Variants in AFF3 observed in about 807,000 individuals in gnomAD.
AFF3 encodes the protein ALF transcription elongation factor 3.
In AFF3, 32 loss-of-function variants were observed where a neutral mutation model predicts 129.7. The observed-to-expected ratio is 0.25, with a 90% CI of 0.19 to 0.33. The LOEUF is 0.33. AFF3 is among the 10% of genes least tolerant of loss of function. AFF3 has a pLI of 1.00. For synonymous variants in AFF3, 644 were observed against 635.4 expected, an observed-to-expected ratio of 1.01 and a Z score of -0.20; for missense variants, 1,373 against 1,592.0, an observed-to-expected ratio of 0.86 and a Z score of 2.34.
intron 7 of AFF3, among the ~76,000 whole-genome samples, chr2:99,860,260 T>C (rs1690873986): frequency 1.3e-5 from 2 of 151,412 alleles, no homozygotes; most frequent in South Asian, 4.2e-4. Flanking sequence ...CTACTAAAAA[T>C]ACAAAAATTA....
chr2:100,007,335 A>G lies in AFF3; in HGVS notation c.300T>C (p.Val100=), dbSNP rs992384012. The change falls in exon 6 of 25, where the codon GTT becomes GTC. Residue 100 remains valine, a synonymous_variant. Coordinates refer to ENST00000672756, the MANE Select transcript of AFF3 (RefSeq NM_001386135.1). The part of the protein sequence containing the change: ...SHLVGVPKPG[V]PQTPVNKIDE... ...CGATCTTGTTCACAGGAGTCTGAGG[A>G]ACCCCAGGTTTGGGAACTCCAACGA... 8.7e-6 allele frequency: 14 copies of G among 1,613,998 alleles called. No individual in the cohort carries two copies. The highest frequency in any genetic ancestry group is 1.3e-5 in the African/African-American group (1 of 74,904).
chr2:99,576,199 ATTG>A (rs1230529969), intron 18 of AFF3, among the ~76,000 whole-genome samples: 7 of 151,168 alleles, frequency 4.6e-5, no homozygotes, highest in African/African-American at 1.7e-4. Context: ...CACCTGGCTA[ATTG>A]TTGTATTTTT....
At chr2:99,703,160 T>C (rs943717847) in intron 11 of AFF3, among the ~76,000 whole-genome samples, 2 of 152,220 alleles carry the variant, frequency 1.3e-5, no homozygotes, top group Non-Finnish European at 2.9e-5. Flanking sequence ...AGGGCTGTGT[T>C]CCTTCTGAGG....
At chr2:99,735,071 T>C (rs1006121734) in intron 10 of AFF3, among the ~76,000 whole-genome samples, 6 of 152,194 alleles carry the variant, frequency 3.9e-5, no homozygotes, top group African/African-American at 1.4e-4. Context: ...CAGGTTATAT[T>C]TATATGTAAA....
At chr2:99,863,604 C>T (rs1250054726) in intron 7 of AFF3, among the ~76,000 whole-genome samples, 2 of 152,142 alleles carry the variant, frequency 1.3e-5, no homozygotes, top group East Asian at 1.9e-4. Context: ...TTGATGTATA[C>T]GTGATGCTCT....
intron 7 of AFF3, among the ~76,000 whole-genome samples, chr2:99,895,021 C>G (rs539930077): frequency 2.0e-5 from 3 of 152,324 alleles, no homozygotes; most frequent in Admixed American, 2.0e-4. Flanking sequence ...TCATTGCCAG[C>G]ACACATAGGT....
chr2:99,788,074 C>T (rs988467993), intron 8 of AFF3, among the ~76,000 whole-genome samples: 4 of 152,010 alleles, frequency 2.6e-5, no homozygotes, highest in Non-Finnish European at 4.4e-5. Context: ...GTGATGCTGG[C>T]GTAAATAAAC....
chr2:99,728,356 A>G (rs1020989038), intron 10 of AFF3, among the ~76,000 whole-genome samples: 2 of 152,112 alleles, frequency 1.3e-5, no homozygotes, highest in Non-Finnish European at 2.9e-5. Flanking sequence ...ATGCTCTTTC[A>G]AGTCAGGCCT....
chr2:100,022,655 G>A (rs1224783158), intron 4 of AFF3, among the ~76,000 whole-genome samples: 2 of 151,934 alleles, frequency 1.3e-5, no homozygotes, highest in Admixed American at 6.6e-5. Context: ...CAAGTGATCC[G>A]CCTGCCTTGG....
chr2:99,954,650 T>G (rs867176455), intron 7 of AFF3, among the ~76,000 whole-genome samples: 11 of 150,934 alleles, frequency 7.3e-5, no homozygotes, highest in African/African-American at 2.7e-4. Flanking sequence ...TCATTCTCAG[T>G]AAACTATCGC....
chr2:100,135,517 T>C (rs1227369950), intron 1 of AFF3, among the ~76,000 whole-genome samples: 1 of 151,984 alleles, frequency 6.6e-6, no homozygotes, highest in African/African-American at 2.4e-5. Flanking sequence ...GAGAATGAGA[T>C]GCCACATGAA....
At chr2:99,800,380 T>TG (rs1431077651) in intron 8 of AFF3, among the ~76,000 whole-genome samples, 2 of 152,142 alleles carry the variant, frequency 1.3e-5, no homozygotes, top group Non-Finnish European at 2.9e-5. Context: ...TACCACTACA[T>TG]ACCTATTAGA....
At chr2:100,072,407 C>T (rs1261288778) in intron 4 of AFF3, among the ~76,000 whole-genome samples, 3 of 152,182 alleles carry the variant, frequency 2.0e-5, no homozygotes, top group African/African-American at 7.2e-5. Flanking sequence ...GAACAACTGT[C>T]TTCCACGAAA....
intron 4 of AFF3, among the ~76,000 whole-genome samples, chr2:100,082,073 T>C (rs956211843): frequency 3.3e-5 from 5 of 152,254 alleles, no homozygotes; most frequent in African/African-American, 1.2e-4. Context: ...CCTGGTTTCT[T>C]GAAAAGCTTT....
chr2:99,735,638 G>A (rs554527591), intron 10 of AFF3, among the ~76,000 whole-genome samples: 6 of 151,904 alleles, frequency 3.9e-5, no homozygotes, highest in African/African-American at 1.5e-4. Context: ...GACTACAGGC[G>A]CCTGCCACCA....
rs1013364581 is a variant in AFF3, at chr2:100,062,018, T to C, written c.53+42384A>G. On this transcript the variant is annotated intron_variant, in intron 4 of 24. Transcript: ENST00000672756. Reference sequence around the variant, plus strand: ...AGCTAAAATTGCACTGGGAAGGACCTGAACTGCATTCTCCCTCTGAAGTGG... The same window carrying C: ...AGCTAAAATTGCACTGGGAAGGACCCGAACTGCATTCTCCCTCTGAAGTGG... Among the ~76,000 whole-genome samples, 3 of 152,260 alleles carry C rather than the reference T, an allele frequency of 2.0e-5. No individual in the cohort carries two copies. In the East Asian group the frequency reaches 5.8e-4, roughly 29 times the overall value.
chr2:100,007,076 T>C (rs1682040790), intron 6 of AFF3, 59 bp from the exon 7 acceptor site: 3 of 1,587,134 alleles, frequency 1.9e-6, no homozygotes, highest in Non-Finnish European at 2.6e-6. Flanking sequence ...ACATAGGGAT[T>C]TTCTTTTTTC....
At chr2:99,891,828 A>ATT (rs71376502) in intron 7 of AFF3, among the ~76,000 whole-genome samples, 13,546 of 147,064 alleles carry the variant, frequency 0.092, 723 homozygotes, top group Admixed American at 0.13. Flanking sequence ...CCACCAGCAC[A>ATT]TTTTTTTTTT....
At position 99,712,763 on chromosome 2, in the gene AFF3, G is replaced by A. The variant is rs557923114; in HGVS notation, c.1091+14314C>T. 6.6e-5 allele frequency among the ~76,000 whole-genome samples: 10 copies of A among 152,222 alleles called. No individual in the cohort carries two copies. The South Asian group carries it at 2.1e-3, about 32-fold the overall frequency. ...TATACCCCCAAAAATTAAGAACAGG[G>A]GCTCAAAGAGATAATGTAAACCCAC... On this transcript the variant is annotated intron_variant, in intron 11 of 24. Coordinates refer to ENST00000672756, the MANE Select transcript of AFF3 (RefSeq NM_001386135.1).
Sources: allele counts gnomAD v4.1 joint callset (sites outside exome capture counted in the v4.1 genomes callset), GRCh38; gene constraint gnomAD v4.1.1; transcripts MANE v1.5; gene names NCBI Gene and HGNC (gene_info 2026-07-23, HGNC 2026-07-21).